DOCK9: variants seen among roughly 807,000 people sequenced by gnomAD.
DOCK9 encodes dedicator of cytokinesis 9.
DOCK9 carries 89 observed loss-of-function variants against 263.3 expected under a neutral mutation model. The ratio of observed to expected loss-of-function variants is 0.34; its 90% CI spans 0.28 to 0.40. DOCK9 has a LOEUF of 0.40. Ranked by LOEUF, DOCK9 falls within the 10% of genes least tolerant of loss-of-function variation. The pLI, the probability that DOCK9 is intolerant of heterozygous loss-of-function variation, is 1.00. For missense variants in DOCK9, 2,140 were observed against 2,603.4 expected (o/e 0.82, Z 3.87); for synonymous variants, 976 against 973.1 (o/e 1.00, Z -0.06).
chr13:98,885,661 T>C, intron 20 of DOCK9, 47 bp downstream of exon 20: 1 of 1,555,612 alleles, frequency 6.4e-7, no homozygotes, highest in Non-Finnish European at 8.7e-7. Flanking sequence ...TTTAAGAACC[T>C]AATGTTTCAA....
chr13:99,036,870 GACAC>G (rs781240589), intron 1 of DOCK9, among the ~76,000 whole-genome samples: 42 of 152,232 alleles, frequency 2.8e-4, no homozygotes, highest in Non-Finnish European at 3.8e-4. Context: ...CTGGAGCTAA[GACAC>G]TAACACCGAA....
chr13:99,078,574 C>T (rs1303988703), intron 1 of DOCK9, among the ~76,000 whole-genome samples: 1 of 152,138 alleles, frequency 6.6e-6, no homozygotes, highest in African/African-American at 2.4e-5. Context: ...AAGATAAGAG[C>T]TGGGTCAGTA....
At chr13:99,000,453 T>G (rs7337003) in intron 1 of DOCK9, among the ~76,000 whole-genome samples, 83,329 of 151,922 alleles carry the variant, frequency 0.55, 23,109 homozygotes, top group South Asian at 0.68. Flanking sequence ...CTTGGCAGAG[T>G]AGCTTAGTAG....
At chr13:98,978,115 C>T (rs553315111), upstream of DOCK9, 22 of 1,387,398 alleles carry the variant, frequency 1.6e-5, no homozygotes, top group South Asian at 3.7e-4. Flanking sequence ...GGTGTTACTA[C>T]TCCATGCAAA....
In DOCK9 at chr13:98,885,856, C is replaced by G. The variant is rs368604192; in HGVS notation, c.2137-25G>C. 572 of 1,584,316 alleles carry G rather than the reference C, an allele frequency of 3.6e-4. 4 individuals carry two copies. In the Middle Eastern group the frequency reaches 8.7e-3, roughly 24 times the overall value. ...TCTGCAAGGGAAGACAAAATAACAA[C>G]AAAATATTCTAAAAACACAGAAACT... On this transcript the variant is annotated intron_variant, in intron 19 of 52. Coordinates refer to ENST00000682017, the MANE Select transcript of DOCK9 (RefSeq NM_001366683.2).
At chr13:99,006,263 G>A (rs1883317083) in intron 1 of DOCK9, among the ~76,000 whole-genome samples, 2 of 152,226 alleles carry the variant, frequency 1.3e-5, no homozygotes, top group Non-Finnish European at 2.9e-5. Context: ...AGTCCCTGCT[G>A]CTAGGAGTGT....
chr13:98,923,302 C>G lies in DOCK9; in HGVS notation c.486G>C (p.Glu162Asp). 1 of 1,613,248 alleles carries G rather than the reference C, an allele frequency of 6.2e-7. No individual in the cohort carries two copies. Among genetic ancestry groups the G allele is most frequent in the Non-Finnish European group, 8.5e-7 (1 of 1,179,264 alleles). Residue 162 changes from glutamate (E) to aspartate (D), a missense_variant and splice_region_variant, in exon 5 of 53, where the codon GAG (glutamate) becomes GAC (aspartate). Coordinates refer to ENST00000682017, the MANE Select transcript of DOCK9 (RefSeq NM_001366683.2). ...AAGCAACAGCAAGCAGGTATCCCAC[C>G]TCATCTTTGTCGACCTCCTCGTCAA... Reference protein sequence around the residue: ...YEVDEEVDKDEDAASLGSQKG... With the variant: ...YEVDEEVDKDDDAASLGSQKG...
At chr13:98,980,392 G>A (rs1003506222), upstream of DOCK9, among the ~76,000 whole-genome samples, 4 of 152,218 alleles carry the variant, frequency 2.6e-5, no homozygotes, top group Non-Finnish European at 5.9e-5. Flanking sequence ...GCCCAGAGAC[G>A]TTAAATACTT....
chr13:98,889,284 G>T (rs2046271719), intron 15 of DOCK9, among the ~76,000 whole-genome samples: 1 of 152,132 alleles, frequency 6.6e-6, no homozygotes, highest in South Asian at 2.1e-4. Flanking sequence ...TACACATTGG[G>T]TACAGTGTAC....
chr13:99,063,730 T>A (rs755829527), intron 1 of DOCK9, among the ~76,000 whole-genome samples: 2 of 152,122 alleles, frequency 1.3e-5, no homozygotes, highest in Non-Finnish European at 2.9e-5. Context: ...AACAAACCCA[T>A]ACAAAATATA....
chr13:98,919,348 C>G (rs926455823), intron 7 of DOCK9, among the ~76,000 whole-genome samples: 5 of 152,106 alleles, frequency 3.3e-5, no homozygotes. Context: ...GACCATCCGC[C>G]TCTGCCTCCC....
At chr13:98,985,322 C>T (rs914335407) in intron 1 of DOCK9, among the ~76,000 whole-genome samples, 6 of 151,846 alleles carry the variant, frequency 4.0e-5, no homozygotes, top group Admixed American at 1.3e-4. Context: ...CCCCATTTCC[C>T]GGCCTTCATT....
At chr13:98,995,721 C>A (rs572779986) in intron 1 of DOCK9, among the ~76,000 whole-genome samples, 2 of 152,134 alleles carry the variant, frequency 1.3e-5, no homozygotes, top group African/African-American at 4.8e-5. Flanking sequence ...ATCTCCTCAC[C>A]TTGTGATCCG....
At chr13:98,984,213 C>T (rs1436015306) in intron 1 of DOCK9, among the ~76,000 whole-genome samples, 1 of 152,130 alleles carries the variant, frequency 6.6e-6, no homozygotes, top group African/African-American at 2.4e-5. Flanking sequence ...TTCTGTGGTA[C>T]AAATCTCTTC....
chr13:98,979,236 A>AGTG (rs1169685646), upstream of DOCK9, among the ~76,000 whole-genome samples: 379 of 144,124 alleles, frequency 2.6e-3, 1 homozygote, highest in African/African-American at 9.1e-3. Flanking sequence ...TAGTAGCAGC[A>AGTG]GCGGCGGCAG....
intron 45 of DOCK9, among the ~76,000 whole-genome samples, chr13:98,815,534 G>T (rs1216140617): frequency 6.6e-6 from 1 of 152,120 alleles, no homozygotes; most frequent in Non-Finnish European, 1.5e-5. Flanking sequence ...AGGCTGCAGT[G>T]CAGTGGCACG....
chr13:98,991,670 T>C (rs969730417), intron 1 of DOCK9, among the ~76,000 whole-genome samples: 9 of 150,702 alleles, frequency 6.0e-5, no homozygotes, highest in Non-Finnish European at 8.9e-5. Flanking sequence ...TGTAAAATTA[T>C]ATATAAATAT....
chr13:99,037,239 TA>T (rs1887985674), intron 1 of DOCK9, among the ~76,000 whole-genome samples: 1 of 152,134 alleles, frequency 6.6e-6, no homozygotes, highest in Admixed American at 6.5e-5. Flanking sequence ...CATACCTGAT[TA>T]AAGATTTGTA....
intron 50 of DOCK9, among the ~76,000 whole-genome samples, chr13:98,798,948 C>T (rs543884447): frequency 1.1e-4 from 16 of 152,334 alleles, no homozygotes; most frequent in Non-Finnish European, 1.9e-4. Context: ...TGCCACACCC[C>T]TCCAGCGGCC....
Sources: allele counts gnomAD v4.1 joint callset (sites outside exome capture counted in the v4.1 genomes callset), GRCh38; gene constraint gnomAD v4.1.1; transcripts MANE v1.5; gene names NCBI Gene and HGNC (gene_info 2026-07-23, HGNC 2026-07-21).